PIWIL1: variants seen among roughly 807,000 people sequenced by gnomAD.
The protein encoded by PIWIL1 is piwi-like protein 1.
A neutral mutation model predicts 114.4 loss-of-function variants in PIWIL1; 73 were observed. The observed-to-expected ratio is 0.64, with a 90% CI of 0.53 to 0.78. The LOEUF (loss-of-function observed/expected upper bound fraction) is 0.78, where lower values mean the gene tolerates loss of function less well. Ranked by LOEUF, PIWIL1 falls within the 30% of genes least tolerant of loss-of-function variation. PIWIL1 has a pLI of 0.00. For missense variants in PIWIL1, 723 were observed against 1,063.1 expected (o/e 0.68, Z 4.45); for synonymous variants, 375 against 369.0 (o/e 1.02, Z -0.19).
intron 3 of PIWIL1, among the ~76,000 whole-genome samples, chr12:130,343,677 G>A (rs1177042481): frequency 7.0e-6 from 1 of 142,436 alleles, no homozygotes; most frequent in Non-Finnish European, 1.5e-5. Flanking sequence ...CCAGGCTGGA[G>A]TGCAGTGGCG....
At chr12:130,405,959 C>G in the PIWIL1 span, among the ~76,000 whole-genome samples, 1 of 152,098 alleles carries the variant, frequency 6.6e-6, no homozygotes, top group Non-Finnish European at 1.5e-5. Context: ...CTAGTATTAG[C>G]AAGGAAGAAA....
At chr12:130,411,331 T>C in the PIWIL1 span, among the ~76,000 whole-genome samples, 11 of 152,152 alleles carry the variant, frequency 7.2e-5, no homozygotes, top group Non-Finnish European at 1.5e-4. Flanking sequence ...TTCCAGTCTG[T>C]ACACCAGGTG....
intron 13 of PIWIL1, 115 bp downstream of exon 13, chr12:130,357,220 C>T (rs574916406): frequency 4.1e-5 from 34 of 833,158 alleles, no homozygotes; most frequent in Non-Finnish European, 5.9e-5. Flanking sequence ...ATGTGGCTCC[C>T]TGTAATGCAG....
chr12:130,351,327 C>T (rs1268730316), intron 9 of PIWIL1: 1 of 152,174 alleles, frequency 6.6e-6, no homozygotes, highest in Non-Finnish European at 1.5e-5. Flanking sequence ...TACTTAGGAG[C>T]TCTGCCCAGA....
the PIWIL1 span, among the ~76,000 whole-genome samples, chr12:130,379,002 TC>T: frequency 2.0e-5 from 3 of 152,344 alleles, no homozygotes; most frequent in South Asian, 6.2e-4. Context: ...ACTTAACACT[TC>T]CTACTCTTCG....
chr12:130,417,651 A>G, the PIWIL1 span, among the ~76,000 whole-genome samples: 1 of 152,260 alleles, frequency 6.6e-6, no homozygotes, highest in East Asian at 1.9e-4. Flanking sequence ...TGATGGCATC[A>G]TTTGTAACCC....
chr12:130,417,925 A>G, the PIWIL1 span, among the ~76,000 whole-genome samples: 1 of 152,130 alleles, frequency 6.6e-6, no homozygotes, highest in Non-Finnish European at 1.5e-5. Context: ...GTCTCACAAC[A>G]CCATCAGGGA....
intron 1 of PIWIL1, among the ~76,000 whole-genome samples, chr12:130,339,936 T>A (rs548523919): frequency 2.0e-5 from 3 of 152,226 alleles, no homozygotes; most frequent in African/African-American, 7.2e-5. Context: ...AGCTTGTCAC[T>A]GTTTTTTAAT....
At chr12:130,385,720 A>G in the PIWIL1 span, among the ~76,000 whole-genome samples, 1 of 152,176 alleles carries the variant, frequency 6.6e-6, no homozygotes, top group African/African-American at 2.4e-5. Flanking sequence ...GGCAAAACAG[A>G]CATGTTTGTT....
the PIWIL1 span, among the ~76,000 whole-genome samples, chr12:130,410,098 A>C: frequency 1.3e-5 from 2 of 152,220 alleles, no homozygotes; most frequent in African/African-American, 4.8e-5. Context: ...GTGTGTGTGC[A>C]TTGGTTTCTC....
intron 18 of PIWIL1, among the ~76,000 whole-genome samples, chr12:130,364,282 C>G (rs1214241428): frequency 1.3e-5 from 2 of 152,180 alleles, no homozygotes; most frequent in African/African-American, 4.8e-5. Context: ...TGTATTTTAG[C>G]ATTTTGTATC....
chr12:130,379,321 T>C, the PIWIL1 span, among the ~76,000 whole-genome samples: 4 of 152,260 alleles, frequency 2.6e-5, no homozygotes, highest in African/African-American at 9.6e-5. Context: ...TACAAATTTT[T>C]TTCTTATTGA....
At chr12:130,377,181 G>A (rs1388836173), downstream of PIWIL1, among the ~76,000 whole-genome samples, 1 of 152,196 alleles carries the variant, frequency 6.6e-6, no homozygotes, top group East Asian at 1.9e-4. Context: ...CAGGATTCTT[G>A]AGTGTTTTGT....
the PIWIL1 span, among the ~76,000 whole-genome samples, chr12:130,382,975 G>A: frequency 1.3e-5 from 2 of 152,148 alleles, no homozygotes; most frequent in Non-Finnish European, 2.9e-5. Context: ...TGCATTTTAG[G>A]AACTTTGTTT....
Position 130,342,174 on chromosome 12 carries a change from G to GTC in PIWIL1, c.-12-405_-12-404insCT, listed in dbSNP as rs1162652508. 91 of 181,648 alleles carry GTC rather than the reference G, an allele frequency of 5.0e-4. 1 individual carries two copies. Among genetic ancestry groups the GTC allele is most frequent in the African/African-American group, 1.2e-3 (50 of 41,880 alleles). The allele number at this position is 181,648 out of a possible 1,614,324, so 11.3% of individuals were successfully genotyped here. A position where few individuals can be genotyped will look rare whatever the true frequency, so the allele number is the denominator to read the frequency against. On this transcript the variant is annotated intron_variant, in intron 1 of 20. Coordinates refer to ENST00000245255, the MANE Select transcript of PIWIL1 (RefSeq NM_004764.5). ...TGTTTCCGTGTGTGTGTGTGTGTGT[G>GTC]TGTGTGTGTGTGTGTGTCTGTGTAT...
At chr12:130,357,664 A>G in intron 14 of PIWIL1, 111 bp downstream of exon 14, 1 of 684,200 alleles carries the variant, frequency 1.5e-6, no homozygotes, top group South Asian at 1.7e-5. Flanking sequence ...ATAGGTTCTC[A>G]AACTAGGCAC....
chr12:130,398,942 C>T, the PIWIL1 span: 59 of 335,876 alleles, frequency 1.8e-4, no homozygotes, highest in East Asian at 2.7e-3. Flanking sequence ...AGTTGCTTTA[C>T]AACTGAGACC....
the PIWIL1 span, chr12:130,424,370 C>T: frequency 2.4e-6 from 3 of 1,232,640 alleles, no homozygotes; most frequent in Admixed American, 4.2e-5. The surrounding 1 kb of genome is among the most constrained non-coding windows in gnomAD (Gnocchi z 9.8). Flanking sequence ...CCACGCTGCT[C>T]TGCCGGGTCA....
intron 19 of PIWIL1, among the ~76,000 whole-genome samples, chr12:130,369,453 A>G (rs2073758968): frequency 6.6e-6 from 1 of 152,118 alleles, no homozygotes. Flanking sequence ...CGGGTTCTAG[A>G]TCTTTGAGGA....
Sources: gnomAD v4.1 joint callset for allele counts (sites outside exome capture counted in the v4.1 genomes callset) on GRCh38, gnomAD v4.1.1 for gene constraint, Gnocchi (gnomAD v3.1) non-coding constraint, MANE v1.5 for transcripts, NCBI Gene and HGNC (gene_info 2026-07-23, HGNC 2026-07-21) for gene names.